DLGAP5: variants seen among roughly 807,000 people sequenced by gnomAD.
The protein encoded by DLGAP5 is DLG associated protein 5, also known as disks large-associated protein 5.
DLGAP5 carries 90 observed loss-of-function variants against 99.6 expected under a neutral mutation model. That is an observed-to-expected ratio of 0.90 (90% CI 0.76 to 1.08). The LOEUF (loss-of-function observed/expected upper bound fraction) is 1.08. Ranked by LOEUF, DLGAP5 falls within the 50% of genes least tolerant of loss-of-function variation. The pLI is 0.00. For missense variants in DLGAP5, 1,036 were observed against 983.5 expected (o/e 1.05, Z -0.71); for synonymous variants, 311 against 321.3 (o/e 0.97, Z 0.34).
rs1329414517 is a variant in DLGAP5 at position 55,180,856 on chromosome 14, G to A, written c.581-78C>T. 2.7e-5 allele frequency: 41 copies of A among 1,498,638 alleles called. No homozygotes were observed. The Admixed American group carries it at 3.4e-4, about 12-fold the overall frequency. 92.8% of individuals were successfully genotyped at this position (1,498,638 alleles called of 1,614,324 possible). A position where few individuals can be genotyped will look rare whatever the true frequency, so the allele number is the denominator to read the frequency against. ...TTGCTGTGAAGCCAGGCATGGTAGT[G>A]CAATGCCTGTAGTCCCAGCTACTTG... On this transcript the variant is annotated intron_variant, in intron 5 of 18. Coordinates refer to ENST00000247191, the MANE Select transcript of DLGAP5 (RefSeq NM_014750.5).
intron 10 of DLGAP5, among the ~76,000 whole-genome samples, chr14:55,174,114 G>A (rs1009793196): frequency 2.0e-5 from 3 of 152,176 alleles, no homozygotes; most frequent in African/African-American, 7.2e-5. Context: ...CTTTTTCTCA[G>A]CAAGGAACAT....
At chr14:55,167,210 C>T (rs561093941) in intron 12 of DLGAP5, among the ~76,000 whole-genome samples, 15 of 150,156 alleles carry the variant, frequency 1.0e-4, no homozygotes, top group East Asian at 3.9e-4. Context: ...GCCAAGATCA[C>T]GCCACCGCTC....
intron 14 of DLGAP5, among the ~76,000 whole-genome samples, chr14:55,156,045 C>T (rs1223276917): frequency 6.6e-6 from 1 of 151,576 alleles, no homozygotes; most frequent in Non-Finnish European, 1.5e-5. Context: ...GTGCTGAGAT[C>T]GTGCCACTGC....
At position 55,163,077 on chromosome 14, in the gene DLGAP5, T is replaced by C; in HGVS notation, c.1549-2A>G. The C allele has an allele frequency of 6.4e-7, 1 of 1,574,332 alleles. No homozygotes were observed. The highest frequency in any genetic ancestry group is 8.6e-7 in the Non-Finnish European group (1 of 1,157,072). ...GAATTTGTGGATTACATCTTCTATC[T>C]GTTAATAAAGCACAAGTTTACCAGA... On this transcript the variant is annotated splice_acceptor_variant, in intron 12 of 18. Transcript: ENST00000247191. LOFTEE classifies it high-confidence loss of function.
At chr14:55,169,255 T>C in intron 12 of DLGAP5, 144 bp downstream of exon 12, 1 of 442,622 alleles carries the variant, frequency 2.3e-6, no homozygotes, top group Non-Finnish European at 3.8e-6. Context: ...GATCATGTTT[T>C]ACAGTTTATC....
At chr14:55,182,345 A>C (rs1883306014) in intron 4 of DLGAP5, 25 bp downstream of exon 4, 2 of 1,581,254 alleles carry the variant, frequency 1.3e-6, no homozygotes. Context: ...TCATTTTAGT[A>C]ACAATTATCT....
At chr14:55,148,728 A>C in intron 18 of DLGAP5, 1 of 560,684 alleles carries the variant, frequency 1.8e-6, no homozygotes, top group African/African-American at 1.9e-5. Context: ...TTTTCCCTAT[A>C]TAACAATAAA....
chr14:55,187,991 C>T (rs978632051), intron 2 of DLGAP5, among the ~76,000 whole-genome samples: 8 of 152,138 alleles, frequency 5.3e-5, no homozygotes, highest in Non-Finnish European at 1.0e-4. Context: ...CCTTTGCAAA[C>T]GGGAAATAAA....
chr14:55,165,841 G>A (rs998712971), intron 12 of DLGAP5, among the ~76,000 whole-genome samples: 2 of 152,074 alleles, frequency 1.3e-5, no homozygotes, highest in African/African-American at 4.8e-5. Flanking sequence ...TATACCTCAG[G>A]TAACTAAAAC....
At chr14:55,150,652 TTTC>T in intron 18 of DLGAP5, 144 bp downstream of exon 18, 1 of 564,398 alleles carries the variant, frequency 1.8e-6, no homozygotes, top group Non-Finnish European at 3.0e-6. Context: ...ACACCAAATT[TTTC>T]TTCATTCTGT....
Position 55,162,166 on chromosome 14 carries a change from T to C in DLGAP5, c.1653+805A>G, listed in dbSNP as rs140283287. Among the ~76,000 whole-genome samples the C allele has an allele frequency of 8.0e-3, 1,218 of 152,206 alleles. 10 individuals are homozygous for C. Among genetic ancestry groups the C allele is most frequent in the Non-Finnish European group, 0.014 (973 of 67,994 alleles). ...CTAGAAACAAGAACAAAATCTGTCA[T>C]GTTAACAAAGCACAAGAATAACAGC... On this transcript the variant is annotated intron_variant, in intron 13 of 18. Transcript: ENST00000247191.
intron 10 of DLGAP5, among the ~76,000 whole-genome samples, chr14:55,172,155 C>A (rs1017587560): frequency 6.7e-6 from 1 of 149,790 alleles, no homozygotes; most frequent in African/African-American, 2.5e-5. Flanking sequence ...TGGGAGCCAC[C>A]GAACCCGGCA....
At chr14:55,160,589 AGGCGCCC>A (rs1388203714) in intron 13 of DLGAP5, among the ~76,000 whole-genome samples, 8 of 151,698 alleles carry the variant, frequency 5.3e-5, no homozygotes, top group Admixed American at 2.0e-4. Flanking sequence ...CTGGGATTAC[AGGCGCCC>A]GCCACCATGC....
At chr14:55,161,811 T>A (rs1882447796) in intron 13 of DLGAP5, among the ~76,000 whole-genome samples, 1 of 137,096 alleles carries the variant, frequency 7.3e-6, no homozygotes, top group Admixed American at 7.7e-5. Flanking sequence ...GAGTCAGAGG[T>A]TGTGGTGAAC....
chr14:55,159,046 C>T (rs10143190), intron 13 of DLGAP5, among the ~76,000 whole-genome samples: 3,819 of 131,866 alleles, frequency 0.029, 180 homozygotes, highest in African/African-American at 0.13. Flanking sequence ...CCATGACACC[C>T]CCCCCCCATA....
intron 12 of DLGAP5, 83 bp downstream of exon 12, chr14:55,169,316 T>C: frequency 1.0e-6 from 1 of 963,842 alleles, no homozygotes; most frequent in Non-Finnish European, 1.4e-6. Context: ...AAGCAGCTAC[T>C]ATTACCCCAT....
intron 12 of DLGAP5, among the ~76,000 whole-genome samples, chr14:55,163,673 C>G (rs903645122): frequency 6.6e-6 from 1 of 152,204 alleles, no homozygotes; most frequent in Non-Finnish European, 1.5e-5. Flanking sequence ...GCTCCATACC[C>G]TCCCCAGCAC....
Position 55,148,411 on chromosome 14 carries a change from T to TCTGG in DLGAP5, c.2477_2480dup (p.Arg827SerfsTer9). On this transcript the variant is annotated frameshift_variant, in exon 19 of 19. Transcript: ENST00000247191. LOFTEE classifies it high-confidence loss of function. ...TCAGGTTACCACCAAAAGAAATGTG[T>TCTGG]CTGGCATGTTCTTGATGTCTCCTCT... 1 of 1,614,204 alleles carries TCTGG rather than the reference T, an allele frequency of 6.2e-7. No homozygotes were observed. Among genetic ancestry groups the TCTGG allele is most frequent in the Non-Finnish European group, 8.5e-7 (1 of 1,180,018 alleles).
At chr14:55,155,855 G>A (rs1882199611) in intron 14 of DLGAP5, among the ~76,000 whole-genome samples, 1 of 151,898 alleles carries the variant, frequency 6.6e-6, no homozygotes, top group African/African-American at 2.4e-5. Flanking sequence ...TTGGGAGGCT[G>A]AGGCAGGTGG....
Sources: allele counts gnomAD v4.1 joint callset (sites outside exome capture counted in the v4.1 genomes callset), GRCh38; gene constraint gnomAD v4.1.1; transcripts MANE v1.5; gene names NCBI Gene and HGNC (gene_info 2026-07-23, HGNC 2026-07-21).